Variants in SMC2 observed in about 807,000 individuals in gnomAD.
SMC2 encodes structural maintenance of chromosomes protein 2.
SMC2 carries 41 observed loss-of-function variants against 142.6 expected under a neutral mutation model. The observed-to-expected ratio is 0.29, with a 90% CI of 0.22 to 0.37. SMC2 has a LOEUF of 0.37. Among genes scored for constraint, SMC2 ranks in the 10% least tolerant of loss-of-function variants. SMC2 has a pLI of 1.00. For synonymous variants in SMC2, 463 were observed against 457.5 expected (o/e 1.01, Z -0.15); for missense variants, 1,265 against 1,373.7 (o/e 0.92, Z 1.25).
intron 16 of SMC2, among the ~76,000 whole-genome samples, chr9:104,122,874 T>C (rs1833886625): frequency 6.6e-6 from 1 of 152,186 alleles, no homozygotes; most frequent in Non-Finnish European, 1.5e-5. Context: ...ATGTAAATAG[T>C]TGTTACAGAT....
At chr9:104,126,966 C>T (rs1288274135) in intron 19 of SMC2, among the ~76,000 whole-genome samples, 182 bp downstream of exon 19, 8 of 152,160 alleles carry the variant, frequency 5.3e-5, no homozygotes, top group African/African-American at 1.9e-4. Flanking sequence ...CAGTCAGCTT[C>T]TAGCAGTCCC....
chr9:104,127,145 A>G, intron 19 of SMC2, 141 bp from the exon 20 acceptor site: 1 of 624,458 alleles, frequency 1.6e-6, no homozygotes, highest in African/African-American at 1.8e-5. Context: ...GGTGATATAA[A>G]ATATAGAGGG....
At chr9:104,090,676 A>C (rs1048131542), upstream of SMC2, among the ~76,000 whole-genome samples, 1 of 152,200 alleles carries the variant, frequency 6.6e-6, no homozygotes, top group Non-Finnish European at 1.5e-5. Flanking sequence ...AAGCAAATGC[A>C]TAATTGTCTA....
At chr9:104,092,905 A>G (rs972348341), upstream of SMC2, 2 of 152,202 alleles carry the variant, frequency 1.3e-5, no homozygotes, top group African/African-American at 4.8e-5. Context: ...TGACGGTTTT[A>G]GCAAGTGGCA....
intron 5 of SMC2, 32 bp from the exon 6 acceptor site, chr9:104,100,061 G>A: frequency 8.4e-7 from 1 of 1,192,006 alleles, no homozygotes; most frequent in South Asian, 1.4e-5. Flanking sequence ...CATTGTCTTG[G>A]ATACTAAACA....
At chr9:104,127,774 T>C (rs539073641) in intron 20 of SMC2, among the ~76,000 whole-genome samples, 5 of 152,354 alleles carry the variant, frequency 3.3e-5, no homozygotes, top group Admixed American at 6.5e-5. Context: ...CAAATGTTGA[T>C]AGAACTAATT....
intron 16 of SMC2, 123 bp from the exon 17 acceptor site, chr9:104,122,985 G>C (rs981627101): frequency 4.2e-6 from 4 of 951,588 alleles, no homozygotes; most frequent in Non-Finnish European, 5.9e-6. Flanking sequence ...CCTGTAACCA[G>C]TAGCATCTTA....
chr9:104,091,890 C>CA (rs1829986741), upstream of SMC2, among the ~76,000 whole-genome samples: 1 of 152,040 alleles, frequency 6.6e-6, no homozygotes, highest in South Asian at 2.1e-4. Flanking sequence ...TATAAGGACT[C>CA]AGACTCCACT....
chr9:104,095,510 G>A lies in SMC2; in HGVS notation c.126G>A (p.Leu42=), dbSNP rs780445377. The A allele has an allele frequency of 2.1e-5, 34 of 1,613,884 alleles. 1 individual carries two copies. In the Admixed American group the frequency reaches 5.7e-4, roughly 27 times the overall value. ...GLNGSGKSNI[L]DSICFLLGIS... Reference sequence around the variant, plus strand: ...ATGGTAGTGGGAAATCCAACATATTGGACTCCATCTGCTTTTTGCTGGGCA... The same window carrying A: ...ATGGTAGTGGGAAATCCAACATATTAGACTCCATCTGCTTTTTGCTGGGCA... The change falls in exon 2 of 25, where the codon TTG becomes TTA. Residue 42 remains leucine (L), a synonymous_variant. Transcript: ENST00000374793.
chr9:104,114,611 A>G (rs1050388307), intron 12 of SMC2, 80 bp from the exon 13 acceptor site: 7 of 1,278,854 alleles, frequency 5.5e-6, no homozygotes, highest in Non-Finnish European at 7.5e-6. Context: ...TGTGTTGTCC[A>G]AAAGAGCTCC....
In SMC2 at chr9:104,125,080, G is replaced by T; in HGVS notation, c.2426G>T (p.Ser809Ile). Reference sequence around the variant, plus strand: ...GCCAAAACAAAGGCAGATGCATCTAGCAAGAAGATGAAAGAAAAACAACAG... The same window carrying T: ...GCCAAAACAAAGGCAGATGCATCTATCAAGAAGATGAAAGAAAAACAACAG... ...DCAKTKADAS[S>I]KKMKEKQQEV... The change falls in exon 18 of 25, where the codon AGC (serine) becomes ATC (isoleucine). Residue 809 changes from serine to isoleucine, a missense_variant. Physicochemically the swap from Ser to Ile is moderately radical, Grantham distance 142. This residue lies in a region of SMC2 where 898 missense variants were observed against 904.2 expected (regional missense o/e 0.99). Coordinates refer to ENST00000374793, the MANE Select transcript of SMC2 (RefSeq NM_006444.3). 1.3e-6 allele frequency: 2 copies of T among 1,574,672 alleles called. No homozygotes were observed. The highest frequency in any genetic ancestry group is 8.5e-7 in the Non-Finnish European group (1 of 1,169,750).
chr9:104,106,664 A>C (rs1270505795), intron 9 of SMC2, among the ~76,000 whole-genome samples: 1 of 152,122 alleles, frequency 6.6e-6, no homozygotes, highest in Non-Finnish European at 1.5e-5. Flanking sequence ...AAGTGTTGGG[A>C]TTACAGGCAT....
chr9:104,139,428 C>T lies in SMC2; in HGVS notation c.*113C>T, dbSNP rs1835883146. The T allele has an allele frequency of 6.3e-6, 5 of 791,436 alleles. No homozygotes were observed. The South Asian group carries it at 8.2e-5, about 13-fold the overall frequency. The allele number at this position is 791,436 out of a possible 1,614,324, so 49.0% of individuals were successfully genotyped here. A position where few individuals can be genotyped will look rare whatever the true frequency, so the allele number is the denominator to read the frequency against. On this transcript the variant is annotated 3_prime_UTR_variant, in exon 25 of 25. Coordinates refer to ENST00000374793, the MANE Select transcript of SMC2 (RefSeq NM_006444.3). ...ATTAATGTTACTGTGTTACTTAACC[C>T]ATGTTTTCTCTTTATATAATCACTT...
At position 104,118,164 on chromosome 9, in the gene SMC2, C is replaced by G. The variant is rs755488518; in HGVS notation, c.1792-7C>G. On this transcript the variant is annotated splice_region_variant and splice_polypyrimidine_tract_variant and intron_variant, in intron 14 of 24. Coordinates refer to ENST00000374793, the MANE Select transcript of SMC2 (RefSeq NM_006444.3). ...TGTACTGTGGCATATCTGTTGTTGTCCCACAGGTTGGCCCTGACAACGTTC... is the reference window on the plus strand; with the variant it reads ...TGTACTGTGGCATATCTGTTGTTGTGCCACAGGTTGGCCCTGACAACGTTC... The G allele has an allele frequency of 6.2e-7, 1 of 1,612,366 alleles. No individual in the cohort carries two copies.
chr9:104,106,267 G>A (rs969258713), intron 9 of SMC2, among the ~76,000 whole-genome samples: 2 of 151,934 alleles, frequency 1.3e-5, no homozygotes, highest in Non-Finnish European at 2.9e-5. Flanking sequence ...ATATGATGAA[G>A]TATCAAAAAA....
In SMC2 at chr9:104,095,570, T is replaced by C; in HGVS notation, c.168+18T>C. The stretch of plus-strand genomic sequence containing the variant: ...TGTCTCAGGTAAAGTGTAAACTTTC[T>C]GATTTATTTGAATTTAAGTTGGCAG... On this transcript the variant is annotated intron_variant, in intron 2 of 24. Transcript: ENST00000374793. The C allele has an allele frequency of 6.3e-7, 1 of 1,597,160 alleles. No individual in the cohort carries two copies.
At chr9:104,117,388 G>C (rs1833239459) in intron 14 of SMC2, among the ~76,000 whole-genome samples, 1 of 152,194 alleles carries the variant, frequency 6.6e-6, no homozygotes, top group Admixed American at 6.5e-5. Context: ...TGCCACTGCT[G>C]ATACTAAGCT....
At position 104,095,544 on chromosome 9, in the gene SMC2, C is replaced by G; in HGVS notation, c.160C>G (p.Leu54Val). ...CTGCTTTTTGCTGGGCATCTCCAAC[C>G]TGTCTCAGGTAAAGTGTAAACTTTC... ...SICFLLGISN[L>V]SQVRASNLQD... is the part of the protein sequence containing the mutation. The change falls in exon 2 of 25, where the codon CTG becomes GTG. Residue 54 changes from leucine (L) to valine (V), a missense_variant. By Grantham distance (32) the Leu-to-Val change is conservative. Coordinates refer to ENST00000374793, the MANE Select transcript of SMC2 (RefSeq NM_006444.3). The G allele has an allele frequency of 6.2e-7, 1 of 1,613,168 alleles. No homozygotes were observed. Among genetic ancestry groups the G allele is most frequent in the Non-Finnish European group, 8.5e-7 (1 of 1,179,172 alleles).
chr9:104,105,839 A>G (rs1043769332), intron 9 of SMC2, among the ~76,000 whole-genome samples: 3 of 152,128 alleles, frequency 2.0e-5, no homozygotes, highest in Non-Finnish European at 4.4e-5. Flanking sequence ...CATATCTAAC[A>G]TCTTATCATG....
Sources: allele counts gnomAD v4.1 joint callset (sites outside exome capture counted in the v4.1 genomes callset), GRCh38; gene constraint gnomAD v4.1.1; regional missense constraint gnomAD v4.1.1; transcripts MANE v1.5; gene names NCBI Gene and HGNC (gene_info 2026-07-23, HGNC 2026-07-21).